C2orf78: variants seen among roughly 807,000 people sequenced by gnomAD.
The protein encoded by C2orf78 is uncharacterized protein C2orf78.
In C2orf78, 12 loss-of-function variants were observed where a neutral mutation model predicts 21.4. The observed-to-expected ratio is 0.56, with a 90% CI of 0.36 to 0.91. The LOEUF is 0.91. C2orf78 is among the 40% of genes least tolerant of loss of function. The pLI is 0.01. For missense variants in C2orf78, 1,042 were observed against 1,092.4 expected, an observed-to-expected ratio of 0.95 and a Z score of 0.65; for synonymous variants, 396 against 413.9, an observed-to-expected ratio of 0.96 and a Z score of 0.52.
chr2:73,808,147 A>C (rs1032247171), intron 1 of C2orf78, among the ~76,000 whole-genome samples: 1 of 150,994 alleles, frequency 6.6e-6, no homozygotes, highest in Non-Finnish European at 1.5e-5. Context: ...CCAGCTACTA[A>C]GGAGTCTGAG....
rs1213037696 is a variant in C2orf78, at chr2:73,813,982, G to A, written c.603G>A (p.Leu201=). Residue 201 remains leucine, a synonymous_variant, in exon 2 of 3, where the codon CTG becomes CTA. Transcript: ENST00000409561. ...TTCCAAATCAGCAGGGCCATAACCT[G>A]TCACTTCCCTGCCAGATAGGAAGCC... 9 of 1,613,912 alleles carry A rather than the reference G, an allele frequency of 5.6e-6. No individual in the cohort carries two copies. In the East Asian group the frequency reaches 1.8e-4, roughly 32 times the overall value.
exon 3 of C2orf78, chr2:73,815,835 G>A: frequency 6.2e-7 from 1 of 1,613,804 alleles, no homozygotes; most frequent in African/African-American, 1.3e-5. Flanking sequence ...CAGTGCTACA[G>A]TCAGTAACAG....
intron 1 of C2orf78, among the ~76,000 whole-genome samples, chr2:73,812,105 T>C (rs890671112): frequency 1.3e-5 from 2 of 152,156 alleles, no homozygotes; most frequent in African/African-American, 4.8e-5. Context: ...CTTACACACT[T>C]TTTGCTGATA....
exon 3 of C2orf78, chr2:73,815,394 G>C: frequency 6.2e-7 from 1 of 1,613,906 alleles, no homozygotes; most frequent in African/African-American, 1.3e-5. Flanking sequence ...ACTTCCTGTA[G>C]AAATCCCCGA....
chr2:73,816,127 A>C, exon 3 of C2orf78: 1 of 1,613,952 alleles, frequency 6.2e-7, no homozygotes, highest in Non-Finnish European at 8.5e-7. Context: ...GAGTCCGTGC[A>C]AGTTTTCCAT....
intron 1 of C2orf78, chr2:73,808,683 C>G (rs1339597642): frequency 1.4e-6 from 2 of 1,463,192 alleles, no homozygotes; most frequent in Non-Finnish European, 1.8e-6. Context: ...ACATCATTCT[C>G]CCACCAAACC....
Position 73,785,531 on chromosome 2 carries a change from GA to G in C2orf78, c.97+1135del, listed in dbSNP as rs1167308496. Among the ~76,000 whole-genome samples the G allele has an allele frequency of 2.2e-3, 300 of 139,268 alleles. 2 individuals are homozygous for G. Among genetic ancestry groups the G allele is most frequent in the African/African-American group, 7.5e-3 (282 of 37,690 alleles). 91.4% of individuals were successfully genotyped at this position (139,268 alleles called of 152,430 possible). On this transcript the variant is annotated intron_variant, in intron 1 of 2. Coordinates refer to ENST00000409561, the Ensembl canonical transcript of C2orf78. ...AAAGAAAAAAATATATTTTAAATTT[GA>G]AAAAAAAAAGCAGAAGGACAACAGA...
chr2:73,809,616 T>C (rs1673031176), intron 1 of C2orf78, among the ~76,000 whole-genome samples: 1 of 151,946 alleles, frequency 6.6e-6, no homozygotes, highest in Non-Finnish European at 1.5e-5. Flanking sequence ...CAAGACCCCA[T>C]CTCTACAAAA....
intron 1 of C2orf78, among the ~76,000 whole-genome samples, chr2:73,810,612 T>A (rs1431027039): frequency 3.6e-5 from 5 of 137,600 alleles, no homozygotes; most frequent in East Asian, 2.0e-4. Flanking sequence ...TATATATATT[T>A]TATATATATA....
At chr2:73,813,442 C>T (rs2103987927) in intron 1 of C2orf78, 35 bp from the exon 2 acceptor site, 5 of 1,521,346 alleles carry the variant, frequency 3.3e-6, no homozygotes, top group African/African-American at 1.4e-5. Context: ...TTTTCACTCT[C>T]ATCGGTTTTT....
At chr2:73,785,806 G>A (rs1344535393) in intron 1 of C2orf78, among the ~76,000 whole-genome samples, 2 of 151,868 alleles carry the variant, frequency 1.3e-5, no homozygotes, top group Non-Finnish European at 1.5e-5. Flanking sequence ...CAGCACTTTG[G>A]GAGGCCGAGG....
exon 2 of C2orf78, chr2:73,814,148 A>C (rs957971546): frequency 1.9e-6 from 3 of 1,611,146 alleles, no homozygotes; most frequent in African/African-American, 2.7e-5. Context: ...TCAGCCCACA[A>C]ATGTCCTACC....
chr2:73,816,208 C>T, exon 3 of C2orf78: 1 of 1,613,864 alleles, frequency 6.2e-7, no homozygotes, highest in Non-Finnish European at 8.5e-7. Flanking sequence ...TCAAGCAACA[C>T]CCAAAACCGC....
chr2:73,814,078 A>G (rs1020421168), exon 2 of C2orf78: 1 of 1,613,772 alleles, frequency 6.2e-7, no homozygotes, highest in African/African-American at 1.3e-5. Context: ...GCTCTGTGTC[A>G]TACACAGGAT....
intron 1 of C2orf78, among the ~76,000 whole-genome samples, chr2:73,810,036 C>T (rs1239055842): frequency 6.6e-6 from 1 of 151,124 alleles, no homozygotes; most frequent in African/African-American, 2.4e-5. Context: ...AAAAGGACAA[C>T]AGAGTGAAAT....
At chr2:73,811,444 A>G (rs1435840002) in intron 1 of C2orf78, among the ~76,000 whole-genome samples, 1 of 152,210 alleles carries the variant, frequency 6.6e-6, no homozygotes, top group East Asian at 1.9e-4. Context: ...AGTTTTCTGA[A>G]AAAAGAATGT....
At chr2:73,813,390 A>G (rs1673126706) in intron 1 of C2orf78, 87 bp from the exon 2 acceptor site, 3 of 1,353,128 alleles carry the variant, frequency 2.2e-6, no homozygotes, top group Middle Eastern at 2.5e-4. Context: ...TCCTGATTGC[A>G]ACAACCTTAA....
intron 1 of C2orf78, among the ~76,000 whole-genome samples, chr2:73,811,719 T>G (rs961741092): frequency 6.6e-6 from 1 of 152,168 alleles, no homozygotes; most frequent in African/African-American, 2.4e-5. Flanking sequence ...AGTTGTTTTT[T>G]TTTAAGCTAT....
chr2:73,810,797 T>C (rs1673071728), intron 1 of C2orf78, among the ~76,000 whole-genome samples: 2 of 86,164 alleles, frequency 2.3e-5, no homozygotes, highest in South Asian at 4.0e-4. Context: ...ATATTTTATA[T>C]ATATAATATA....
Sources: allele counts gnomAD v4.1 joint callset (sites outside exome capture counted in the v4.1 genomes callset), GRCh38; gene constraint gnomAD v4.1.1; transcripts MANE v1.5; gene names NCBI Gene and HGNC (gene_info 2026-07-23, HGNC 2026-07-21).